Variants in MAN2A1 observed in about 807,000 individuals in gnomAD.
MAN2A1 encodes alpha-mannosidase 2.
A neutral mutation model predicts 142.6 loss-of-function variants in MAN2A1; 76 were observed. The observed-to-expected ratio is 0.53, with a 90% confidence interval of 0.44 to 0.65. The LOEUF is 0.65. Ranked by LOEUF, MAN2A1 falls within the 30% of genes least tolerant of loss-of-function variation. The probability of loss-of-function intolerance (pLI) is 0.00; values close to 1 mark genes in which losing one functional copy is unlikely to be tolerated. For synonymous variants in MAN2A1, 559 were observed against 473.2 expected, an observed-to-expected ratio of 1.18 and a Z score of -2.35; for missense variants, 1,311 against 1,365.1, an observed-to-expected ratio of 0.96 and a Z score of 0.62.
At position 109,855,260 on chromosome 5, in the gene MAN2A1, G is replaced by A. The variant is rs762035758; in HGVS notation, c.3097G>A (p.Gly1033Ser). The A allele has an allele frequency of 5.6e-6, 9 of 1,607,448 alleles. No individual in the cohort carries two copies. Among genetic ancestry groups the A allele is most frequent in the South Asian group, 1.1e-5 (1 of 89,800 alleles). The change falls in exon 20 of 22, where the codon GGT becomes AGT. Residue 1033 changes from glycine (G) to serine (S), a missense_variant. Physicochemically the swap from Gly to Ser is moderately conservative, Grantham distance 56. This residue lies in a region of MAN2A1 where 890 missense variants were observed against 920.5 expected (regional missense o/e 0.97). Coordinates refer to ENST00000261483, the MANE Select transcript of MAN2A1 (RefSeq NM_002372.4). Reference protein sequence around the residue: ...KFSSPTLELQGEFSPLQSSLP... With the variant: ...KFSSPTLELQSEFSPLQSSLP... ...CTCCTCACCTACCCTTGAGCTGCAAGGTGAATTCTCTCCATTACAGTCATC... is the reference window on the plus strand; with the variant it reads ...CTCCTCACCTACCCTTGAGCTGCAAAGTGAATTCTCTCCATTACAGTCATC...
chr5:109,749,110 G>C (rs924173034), intron 4 of MAN2A1, among the ~76,000 whole-genome samples: 1 of 152,006 alleles, frequency 6.6e-6, no homozygotes, highest in African/African-American at 2.4e-5. Flanking sequence ...TAGAAATTCA[G>C]CTGGTTTTCT....
chr5:109,775,782 T>A lies in MAN2A1; in HGVS notation c.1374+817T>A, dbSNP rs138440749. Among the ~76,000 whole-genome samples the A allele has an allele frequency of 6.4e-3, 978 of 152,248 alleles. 15 individuals carry two copies. The highest frequency in any genetic ancestry group is 0.022 in the African/African-American group (914 of 41,572). On this transcript the variant is annotated intron_variant, in intron 8 of 21. Transcript: ENST00000261483. ...ACCTAAAAAACTAACAATAATTTCA[T>A]GATACATATCTGGACAGATTCAAAT...
intron 20 of MAN2A1, among the ~76,000 whole-genome samples, chr5:109,856,202 G>A (rs1252974944): frequency 6.6e-6 from 1 of 152,048 alleles, no homozygotes; most frequent in East Asian, 1.9e-4. Context: ...TAGATTTTTA[G>A]TTGAGACAAT....
chr5:109,733,247 T>C (rs1332703489), intron 4 of MAN2A1, among the ~76,000 whole-genome samples: 1 of 152,228 alleles, frequency 6.6e-6, no homozygotes, highest in Non-Finnish European at 1.5e-5. Flanking sequence ...GCTTATCAGC[T>C]TAAGGAGATT....
intron 4 of MAN2A1, among the ~76,000 whole-genome samples, chr5:109,735,258 A>G (rs1259239135): frequency 1.9e-4 from 29 of 151,902 alleles, no homozygotes; most frequent in Non-Finnish European, 4.0e-4. Flanking sequence ...TTTTGAGCCT[A>G]TGTGTGTCTC....
At chr5:109,691,934 G>A (rs188951119) in intron 1 of MAN2A1, among the ~76,000 whole-genome samples, 120 of 152,270 alleles carry the variant, frequency 7.9e-4, no homozygotes, top group African/African-American at 2.8e-3. Flanking sequence ...TTGATATGTT[G>A]TGTAATTTTG....
At chr5:109,794,143 T>G (rs1353044816) in intron 12 of MAN2A1, 1 of 152,150 alleles carries the variant, frequency 6.6e-6, no homozygotes. Context: ...TTCTGACCAC[T>G]CAGATTGTGG....
At chr5:109,716,985 T>C (rs1352315201) in intron 3 of MAN2A1, among the ~76,000 whole-genome samples, 1 of 152,144 alleles carries the variant, frequency 6.6e-6, no homozygotes, top group East Asian at 1.9e-4. Context: ...GGAAGTTGTT[T>C]CAATTATAAT....
chr5:109,690,110 C>T lies in MAN2A1; in HGVS notation c.-308C>T. 3.2e-6 allele frequency: 1 copy of T among 308,186 alleles called. No individual in the cohort carries two copies. The highest frequency in any genetic ancestry group is 6.1e-6 in the Non-Finnish European group (1 of 162,732). The allele number at this position is 308,186 out of a possible 1,614,324, so 19.1% of individuals were successfully genotyped here. On this transcript the variant is annotated 5_prime_UTR_variant, in exon 1 of 22. Transcript: ENST00000261483. ...CCTCTCCTCCGCCTGCCCCGCGCGC[C>T]CTGCCGGAGGTCGGCGCTGAGCTTG...
rs1015563616 is a variant in MAN2A1 at position 109,748,979 on chromosome 5, A to G, written c.708-6350A>G. On this transcript the variant is annotated intron_variant, in intron 4 of 21. Coordinates refer to ENST00000261483, the MANE Select transcript of MAN2A1 (RefSeq NM_002372.4). ...CTGATTAGCAGAATGTCTTTAGGAT[A>G]TAAGTTGATTCATTGGGAGCTTCTG... Among the ~76,000 whole-genome samples the G allele has an allele frequency of 1.4e-4, 22 of 151,842 alleles. 1 individual carries two copies. Among genetic ancestry groups the G allele is most frequent in the Admixed American group, 1.1e-3 (17 of 15,188 alleles).
intron 8 of MAN2A1, 42 bp from the exon 9 acceptor site, chr5:109,781,354 T>C (rs1248159227): frequency 8.4e-7 from 1 of 1,190,280 alleles, no homozygotes; most frequent in Non-Finnish European, 1.2e-6. Context: ...TAAATAATTT[T>C]AAGATAGAAT....
In MAN2A1 at chr5:109,767,615, C is replaced by A; in HGVS notation, c.916C>A (p.Leu306Ile). The A allele has an allele frequency of 6.2e-7, 1 of 1,613,754 alleles. No individual in the cohort carries two copies. The highest frequency in any genetic ancestry group is 8.5e-7 in the Non-Finnish European group (1 of 1,179,722). The change falls in exon 6 of 22, where the codon CTT becomes ATT. Residue 306 changes from leucine to isoleucine, a missense_variant. By Grantham distance (5) the Leu-to-Ile change is conservative. Around this residue, in one of 3 missense-constraint regions of MAN2A1, gnomAD observed 409 missense variants for 412.7 expected, o/e 0.99. Transcript: ENST00000261483. ...TMAYLLNRAGLSHMLIQRVHY... is the reference protein window; with the variant it reads ...TMAYLLNRAGISHMLIQRVHY... ...GGCTTATCTTCTAAACCGTGCTGGA[C>A]TTTCTCACATGCTTATCCAGAGAGT...
At chr5:109,795,423 G>A (rs539982774) in intron 12 of MAN2A1, among the ~76,000 whole-genome samples, 2 of 152,064 alleles carry the variant, frequency 1.3e-5, no homozygotes, top group South Asian at 2.1e-4. Context: ...TCCAGTTTAC[G>A]TGATGGCTGA....
chr5:109,778,215 G>T (rs1753348779), intron 8 of MAN2A1, among the ~76,000 whole-genome samples: 1 of 151,934 alleles, frequency 6.6e-6, no homozygotes, highest in South Asian at 2.1e-4. Context: ...TAATGCAATT[G>T]ATTTTTGCAT....
chr5:109,751,115 C>T (rs1240898544), intron 4 of MAN2A1, among the ~76,000 whole-genome samples: 1 of 152,088 alleles, frequency 6.6e-6, no homozygotes, highest in Non-Finnish European at 1.5e-5. Flanking sequence ...AACAACTTCT[C>T]TTAACCCCTC....
intron 15 of MAN2A1, among the ~76,000 whole-genome samples, chr5:109,821,469 G>A (rs1754620898): frequency 6.6e-6 from 1 of 152,106 alleles, no homozygotes; most frequent in Admixed American, 6.5e-5. Flanking sequence ...AGTGTCTGAA[G>A]TCTTTTAAGG....
intron 4 of MAN2A1, among the ~76,000 whole-genome samples, chr5:109,752,993 AG>A (rs1385476249): frequency 7.2e-5 from 11 of 152,216 alleles, no homozygotes; most frequent in African/African-American, 2.7e-4. Flanking sequence ...AGATGAAAAA[AG>A]TTCTATCATT....
intron 14 of MAN2A1, 135 bp from the exon 15 acceptor site, chr5:109,820,085 C>T (rs1282894554): frequency 2.7e-5 from 23 of 852,534 alleles, no homozygotes; most frequent in South Asian, 8.9e-5. Context: ...GGCGCTACTC[C>T]GTGGTCTGTG....
At chr5:109,802,454 T>G (rs1019656380) in intron 12 of MAN2A1, among the ~76,000 whole-genome samples, 1 of 152,136 alleles carries the variant, frequency 6.6e-6, no homozygotes, top group Non-Finnish European at 1.5e-5. Flanking sequence ...ATTTCACAGT[T>G]TAGAGATTGT....
Sources: gnomAD v4.1 joint callset for allele counts (sites outside exome capture counted in the v4.1 genomes callset) on GRCh38, gnomAD v4.1.1 for gene constraint, gnomAD v4.1.1 regional missense constraint, MANE v1.5 for transcripts, NCBI Gene and HGNC (gene_info 2026-07-23, HGNC 2026-07-21) for gene names.